Variants in CEP63 observed in about 807,000 individuals in gnomAD.
CEP63 encodes the protein centrosomal protein of 63 kDa.
In CEP63, 84 loss-of-function variants were observed where a neutral mutation model predicts 89.1. The observed-to-expected ratio is 0.94, with a 90% CI of 0.79 to 1.13. CEP63 has a LOEUF of 1.13. Among genes scored for constraint, CEP63 ranks in the 50% most tolerant of loss-of-function variants. CEP63 has a pLI of 0.00. For synonymous variants in CEP63, 267 were observed against 272.5 expected (o/e 0.98, Z 0.20); for missense variants, 838 against 813.3 (o/e 1.03, Z -0.37).
At chr3:134,656,733 C>G in the CEP63 span, among the ~76,000 whole-genome samples, 3 of 151,708 alleles carry the variant, frequency 2.0e-5, no homozygotes, top group South Asian at 6.2e-4. Flanking sequence ...GCAGGGGAGA[C>G]ACAGAGCCTC....
the CEP63 span, among the ~76,000 whole-genome samples, chr3:134,740,820 A>G: frequency 6.6e-6 from 1 of 152,194 alleles, no homozygotes; most frequent in Admixed American, 6.5e-5. Flanking sequence ...GGCCGACCCC[A>G]GGGAAGAGGT....
downstream of CEP63, among the ~76,000 whole-genome samples, chr3:134,579,767 G>T (rs1958300543): frequency 6.6e-6 from 1 of 152,066 alleles, no homozygotes; most frequent in Non-Finnish European, 1.5e-5. Flanking sequence ...GTCTATAGTG[G>T]CATTACTCAT....
At chr3:134,540,352 T>C (rs932273194) in intron 6 of CEP63, among the ~76,000 whole-genome samples, 1 of 152,248 alleles carries the variant, frequency 6.6e-6, no homozygotes, top group Non-Finnish European at 1.5e-5. Flanking sequence ...TTTAGTTTTT[T>C]ACTTTTCACT....
intron 5 of CEP63, among the ~76,000 whole-genome samples, chr3:134,534,666 C>G (rs1005810966): frequency 1.3e-5 from 2 of 152,188 alleles, no homozygotes; most frequent in Non-Finnish European, 2.9e-5. Context: ...TGCCCACTCT[C>G]TACCTGTCAT....
At chr3:134,487,036 G>A (rs1159369852) in intron 1 of CEP63, among the ~76,000 whole-genome samples, 1 of 152,126 alleles carries the variant, frequency 6.6e-6, no homozygotes, top group East Asian at 1.9e-4. Context: ...ACGCTGATAT[G>A]CACAGAGTAG....
chr3:134,753,701 C>T, the CEP63 span, among the ~76,000 whole-genome samples: 1 of 152,320 alleles, frequency 6.6e-6, no homozygotes, highest in East Asian at 1.9e-4. Flanking sequence ...CCAGCCCATC[C>T]TCATAATGCG....
chr3:134,719,132 T>G, the CEP63 span, among the ~76,000 whole-genome samples: 1 of 152,164 alleles, frequency 6.6e-6, no homozygotes, highest in East Asian at 1.9e-4. Context: ...AGGACTTGTT[T>G]TCATCAAGCA....
At chr3:134,690,222 T>C in the CEP63 span, among the ~76,000 whole-genome samples, 11 of 152,196 alleles carry the variant, frequency 7.2e-5, no homozygotes, top group African/African-American at 1.4e-4. Context: ...GGAATACTTT[T>C]ATAAAACATA....
chr3:134,528,265 A>G (rs1949076508), intron 3 of CEP63, among the ~76,000 whole-genome samples: 1 of 152,044 alleles, frequency 6.6e-6, no homozygotes, highest in African/African-American at 2.4e-5. Flanking sequence ...AAGATCTGTT[A>G]GGAGCACACC....
chr3:134,697,833 G>A, the CEP63 span, among the ~76,000 whole-genome samples: 1 of 152,148 alleles, frequency 6.6e-6, no homozygotes. Context: ...AAGAGTAACC[G>A]ACAGTAAACT....
downstream of CEP63, among the ~76,000 whole-genome samples, chr3:134,589,890 A>G (rs914339604): frequency 6.6e-6 from 1 of 152,338 alleles, no homozygotes; most frequent in Non-Finnish European, 1.5e-5. Context: ...AATGTGGTAC[A>G]TATACACCAT....
the CEP63 span, among the ~76,000 whole-genome samples, chr3:134,719,163 CT>C: frequency 4.1e-4 from 61 of 148,024 alleles, no homozygotes; most frequent in African/African-American, 6.2e-4. Context: ...AATGCAGCAT[CT>C]TTTTTTTTTT....
the CEP63 span, among the ~76,000 whole-genome samples, chr3:134,691,876 C>T: frequency 2.0e-5 from 3 of 152,010 alleles, no homozygotes; most frequent in Non-Finnish European, 2.9e-5. Context: ...TGTGCCACCA[C>T]ATCCAGCTAA....
intron 2 of CEP63, among the ~76,000 whole-genome samples, chr3:134,503,100 CTTT>C (rs34673408): frequency 2.2e-5 from 2 of 92,020 alleles, no homozygotes; most frequent in South Asian, 4.3e-4. Context: ...TGATTTCAAT[CTTT>C]TTTTTTTTTT....
chr3:134,565,163 T>A, downstream of CEP63: 1 of 173,712 alleles, frequency 5.8e-6, no homozygotes, highest in Non-Finnish European at 1.1e-5. Context: ...GCAAGTCATC[T>A]CATTCTTCTT....
At chr3:134,675,502 C>T in the CEP63 span, among the ~76,000 whole-genome samples, 4 of 152,082 alleles carry the variant, frequency 2.6e-5, no homozygotes, top group Admixed American at 6.6e-5. Flanking sequence ...CACAAAAAAG[C>T]ATGAGCAATC....
chr3:134,748,105 G>T, the CEP63 span, among the ~76,000 whole-genome samples: 1 of 152,138 alleles, frequency 6.6e-6, no homozygotes, highest in Non-Finnish European at 1.5e-5. Context: ...TCTTTTGGAT[G>T]ATAGTTCAGT....
chr3:134,671,558 G>T, the CEP63 span, among the ~76,000 whole-genome samples: 24 of 152,212 alleles, frequency 1.6e-4, no homozygotes, highest in Non-Finnish European at 1.3e-4. Flanking sequence ...TTCCAGTGGC[G>T]AGCATGTGGG....
the CEP63 span, chr3:134,608,877 G>T: frequency 5.7e-6 from 9 of 1,568,802 alleles, no homozygotes; most frequent in Non-Finnish European, 7.8e-6. Flanking sequence ...CCAGCTCCAT[G>T]CAGGGGAGGC....
Sources: allele counts gnomAD v4.1 joint callset (sites outside exome capture counted in the v4.1 genomes callset), GRCh38; gene constraint gnomAD v4.1.1; transcripts MANE v1.5; gene names NCBI Gene and HGNC (gene_info 2026-07-23, HGNC 2026-07-21).